The following DYM variants were observed in gnomAD, a reference collection of about 807,000 sequenced individuals.
DYM encodes dymeclin.
A neutral mutation model predicts 93.1 loss-of-function variants in DYM; 78 were observed. The ratio of observed to expected loss-of-function variants is 0.84; its 90% CI spans 0.70 to 1.01. The LOEUF (loss-of-function observed/expected upper bound fraction) is 1.01, where lower values mean the gene tolerates loss of function less well. Among genes scored for constraint, DYM ranks in the 50% least tolerant of loss-of-function variants. The pLI is 0.00. For synonymous variants in DYM, 321 were observed against 319.7 expected (o/e 1.00, Z -0.04); for missense variants, 789 against 845.0 (o/e 0.93, Z 0.82).
At chr18:49,316,663 C>T (rs922438193) in intron 8 of DYM, among the ~76,000 whole-genome samples, 1 of 152,142 alleles carries the variant, frequency 6.6e-6, no homozygotes, top group African/African-American at 2.4e-5. Context: ...TCACATCATA[C>T]AGAATAGTGT....
chr18:49,411,418 T>C (rs936490988), intron 2 of DYM, among the ~76,000 whole-genome samples: 2 of 152,224 alleles, frequency 1.3e-5, no homozygotes, highest in African/African-American at 4.8e-5. Context: ...ACGACTTTCT[T>C]GTAACTGCTA....
intron 17 of DYM, among the ~76,000 whole-genome samples, chr18:49,061,029 A>G (rs1278942135): frequency 6.6e-6 from 1 of 152,198 alleles, no homozygotes; most frequent in Non-Finnish European, 1.5e-5. Context: ...CTGTGCTTAA[A>G]AAAATCTCAA....
Position 49,080,736 on chromosome 18 carries a change from C to G in DYM, c.2025+16666G>C, listed in dbSNP as rs950739568. On this transcript the variant is annotated intron_variant, in intron 17 of 17. Coordinates refer to ENST00000675505, the MANE Select transcript of DYM (RefSeq NM_001353214.3). ...GGCTGCCGGGCAGAGGGGCTCCTCA[C>G]TTCTCAGACGGGGCAGCTCCGGGCG... Among the ~76,000 whole-genome samples, 8 of 148,752 alleles carry G rather than the reference C, an allele frequency of 5.4e-5. 1 individual carries two copies. Among genetic ancestry groups the G allele is most frequent in the African/African-American group, 2.0e-4 (8 of 40,216 alleles).
chr18:49,250,504 T>C (rs2094262031), intron 13 of DYM, among the ~76,000 whole-genome samples: 1 of 152,224 alleles, frequency 6.6e-6, no homozygotes, highest in Non-Finnish European at 1.5e-5. Context: ...AAACTGACAG[T>C]GATCCATGGG....
At chr18:49,104,627 T>C (rs1379756922) in intron 16 of DYM, among the ~76,000 whole-genome samples, 1 of 152,254 alleles carries the variant, frequency 6.6e-6, no homozygotes, top group Non-Finnish European at 1.5e-5. Context: ...TGAAGTGTTG[T>C]TGAATTTTGT....
intron 14 of DYM, among the ~76,000 whole-genome samples, chr18:49,208,043 C>G (rs1178825340): frequency 6.6e-6 from 1 of 151,628 alleles, no homozygotes; most frequent in Non-Finnish European, 1.5e-5. Context: ...ATTAGCCAGG[C>G]GTGGTGGTGC....
intron 8 of DYM, 136 bp downstream of exon 8, chr18:49,331,728 T>C: frequency 2.1e-6 from 2 of 950,404 alleles, no homozygotes; most frequent in South Asian, 2.8e-5. Flanking sequence ...TTTTAATTAC[T>C]TTGTTTTCAC....
rs140533671 is a variant in DYM, at chr18:49,187,380, A to T, written c.1625+22171T>A. On this transcript the variant is annotated intron_variant, in intron 14 of 17. Coordinates refer to ENST00000675505, the MANE Select transcript of DYM (RefSeq NM_001353214.3). ...CACATTGACAGTAAGGACAGTAATA[A>T]ATAAACAAAATAGCACACATGGAAA... 7.7e-4 allele frequency among the ~76,000 whole-genome samples: 117 copies of T among 152,332 alleles called. No individual in the cohort carries two copies. In the Middle Eastern group the frequency reaches 0.014, roughly 18 times the overall value.
At chr18:49,075,782 A>G (rs888810369) in intron 17 of DYM, among the ~76,000 whole-genome samples, 2 of 152,236 alleles carry the variant, frequency 1.3e-5, no homozygotes, top group African/African-American at 4.8e-5. Context: ...AGGGATCAAA[A>G]GACTGTTTAC....
chr18:49,385,466 G>C (rs111583330), intron 3 of DYM, among the ~76,000 whole-genome samples: 1 of 152,100 alleles, frequency 6.6e-6, no homozygotes, highest in Admixed American at 6.5e-5. Flanking sequence ...AGGCCAAGGC[G>C]GGTGGATCAC....
At chr18:49,389,909 A>T (rs12458411) in intron 3 of DYM, among the ~76,000 whole-genome samples, 13,871 of 151,942 alleles carry the variant, frequency 0.091, 857 homozygotes, top group East Asian at 0.31. Context: ...TTTTAATTTT[A>T]TAATTTTTTT....
chr18:49,182,145 T>C (rs547637071), intron 14 of DYM, among the ~76,000 whole-genome samples: 14 of 152,312 alleles, frequency 9.2e-5, no homozygotes, highest in Non-Finnish European at 1.6e-4. Context: ...ATAATTCCAT[T>C]GTTGTCAGAA....
Position 49,430,422 on chromosome 18 carries a change from T to C in DYM, c.-28A>G. 1 of 1,611,820 alleles carries C rather than the reference T, an allele frequency of 6.2e-7. No individual in the cohort carries two copies. Among genetic ancestry groups the C allele is most frequent in the Non-Finnish European group, 8.5e-7 (1 of 1,179,884 alleles). The stretch of plus-strand genomic sequence containing the variant: ...TCTAGCTTAAGCAGATAATTTGTCC[T>C]TAAACCTGCATTTCCAAAAGACAAC... On this transcript the variant is annotated 5_prime_UTR_variant, in exon 2 of 18. An upstream open reading frame in the 5' UTR loses its in-frame stop. Coordinates refer to ENST00000675505, the MANE Select transcript of DYM (RefSeq NM_001353214.3).
At chr18:49,374,102 C>T (rs1036983784) in intron 5 of DYM, among the ~76,000 whole-genome samples, 1 of 152,094 alleles carries the variant, frequency 6.6e-6, no homozygotes, top group African/African-American at 2.4e-5. Flanking sequence ...GAAAATCATG[C>T]TAAATGATAA....
chr18:49,430,830 G>A (rs1303238583), intron 1 of DYM, among the ~76,000 whole-genome samples: 3 of 151,552 alleles, frequency 2.0e-5, no homozygotes, highest in Non-Finnish European at 2.9e-5. Context: ...AGTTGCAGTG[G>A]GCCAAGATCG....
At chr18:49,098,396 T>C (rs1360089893) in intron 16 of DYM, among the ~76,000 whole-genome samples, 2 of 152,226 alleles carry the variant, frequency 1.3e-5, no homozygotes, top group Admixed American at 6.5e-5. Flanking sequence ...AGAATTACTC[T>C]CCTAAATGCT....
intron 16 of DYM, among the ~76,000 whole-genome samples, chr18:49,113,627 C>T (rs543265310): frequency 1.3e-5 from 2 of 152,100 alleles, no homozygotes; most frequent in Non-Finnish European, 2.9e-5. Flanking sequence ...TTTTCTTCTA[C>T]AGTCTTTCAC....
chr18:49,153,028 C>A (rs1235642352), intron 15 of DYM, among the ~76,000 whole-genome samples: 2 of 152,072 alleles, frequency 1.3e-5, no homozygotes, highest in Non-Finnish European at 2.9e-5. Flanking sequence ...GTTCTGTGGA[C>A]CCAGTGTATA....
intron 2 of DYM, among the ~76,000 whole-genome samples, chr18:49,403,244 T>G (rs2071059962): frequency 6.6e-6 from 1 of 152,204 alleles, no homozygotes; most frequent in African/African-American, 2.4e-5. Context: ...TTATACGTTT[T>G]GAAATAGTAC....
Sources: gnomAD v4.1 joint callset for allele counts (sites outside exome capture counted in the v4.1 genomes callset) on GRCh38, gnomAD v4.1.1 for gene constraint, MANE v1.5 for transcripts, NCBI Gene and HGNC (gene_info 2026-07-23, HGNC 2026-07-21) for gene names.